The following DNM1L variants were observed in gnomAD, a reference collection of about 807,000 sequenced individuals.
DNM1L encodes dynamin-1-like protein.
A neutral mutation model predicts 92.8 loss-of-function variants in DNM1L; 33 were observed. The observed-to-expected ratio is 0.36, with a 90% CI of 0.27 to 0.48. The LOEUF (loss-of-function observed/expected upper bound fraction) is 0.48, where lower values mean the gene tolerates loss of function less well. DNM1L is among the 20% of genes least tolerant of loss of function. The probability of loss-of-function intolerance (pLI) is 0.99; values close to 1 mark genes in which losing one functional copy is unlikely to be tolerated. For synonymous variants in DNM1L, 284 were observed against 305.0 expected, an observed-to-expected ratio of 0.93 and a Z score of 0.72; for missense variants, 485 against 888.8, an observed-to-expected ratio of 0.55 and a Z score of 5.78.
At chr12:32,738,334 T>C in intron 16 of DNM1L, 38 bp downstream of exon 16, 1 of 1,611,740 alleles carries the variant, frequency 6.2e-7, no homozygotes, top group South Asian at 1.1e-5. Context: ...GTTGGTACCT[T>C]TGGTTCTCAC....
intron 14 of DNM1L, chr12:32,737,397 T>C (rs1249547239): frequency 6.0e-6 from 3 of 498,602 alleles, no homozygotes; most frequent in Non-Finnish European, 1.1e-5. Context: ...TATTTAAGCA[T>C]TTAAGCATCA....
intron 1 of DNM1L, among the ~76,000 whole-genome samples, chr12:32,699,611 C>T (rs1952612358): frequency 1.3e-5 from 2 of 151,838 alleles, no homozygotes; most frequent in South Asian, 4.2e-4. Context: ...GCCTGGCGCA[C>T]ATGGTGAAAC....
chr12:32,743,430 A>G lies in DNM1L; in HGVS notation c.*20A>G. On this transcript the variant is annotated 3_prime_UTR_variant, in exon 20 of 20. Coordinates refer to ENST00000549701, the MANE Select transcript of DNM1L (RefSeq NM_012062.5). ...TGGTGAAGAGAACTATGTAATACTG[A>G]GACTTTGTTGACTCAAAACTTGCTA... The G allele has an allele frequency of 6.2e-7, 1 of 1,612,956 alleles. No individual in the cohort carries two copies. The highest frequency in any genetic ancestry group is 8.5e-7 in the Non-Finnish European group (1 of 1,179,128).
intron 13 of DNM1L, among the ~76,000 whole-genome samples, chr12:32,734,338 T>C (rs7306406): frequency 0.15 from 23,431 of 152,218 alleles, 1,911 homozygotes; most frequent in Middle Eastern, 0.21. Context: ...CCATTTTTTT[T>C]CTCTGCCGCT....
rs74579148 is a variant in DNM1L, at chr12:32,705,728, A to G, written c.251-1639A>G. On this transcript the variant is annotated intron_variant, in intron 2 of 19. Coordinates refer to ENST00000549701, the MANE Select transcript of DNM1L (RefSeq NM_012062.5). The stretch of plus-strand genomic sequence containing the variant: ...TAATTGAATGCTATGTGCATTTGAA[A>G]TGTGATCAGGTTTCTGCACATTTGA... 8,039 of 1,108,166 alleles carry G rather than the reference A, an allele frequency of 7.3e-3. 34 individuals carry two copies. Among genetic ancestry groups the G allele is most frequent in the Non-Finnish European group, 8.8e-3 (6,726 of 761,454 alleles). The allele number at this position is 1,108,166 out of a possible 1,614,324, so 68.6% of individuals were successfully genotyped here.
At chr12:32,717,382 T>A (rs1343637648) in intron 6 of DNM1L, among the ~76,000 whole-genome samples, 8 of 77,630 alleles carry the variant, frequency 1.0e-4, no homozygotes, top group Non-Finnish European at 1.9e-4. Context: ...ATACTATATA[T>A]AATATATAGT....
rs575158334 is a variant in DNM1L, at chr12:32,743,718, T to C, written c.*308T>C. The C allele has an allele frequency of 2.7e-6, 1 of 377,052 alleles. No individual in the cohort carries two copies. Among genetic ancestry groups the C allele is most frequent in the Non-Finnish European group, 4.9e-6 (1 of 204,328 alleles). The allele number at this position is 377,052 out of a possible 1,614,324, so 23.4% of individuals were successfully genotyped here. ...TTCTAGTTGTGCAAAGCAGTTTGCC[T>C]GTGGATAAGATGACCTGTGTAATAA... On this transcript the variant is annotated 3_prime_UTR_variant, in exon 20 of 20. Coordinates refer to ENST00000549701, the MANE Select transcript of DNM1L (RefSeq NM_012062.5).
intron 6 of DNM1L, among the ~76,000 whole-genome samples, chr12:32,715,722 A>T (rs2137388643): frequency 6.7e-6 from 1 of 148,992 alleles, no homozygotes; most frequent in Middle Eastern, 3.4e-3. Flanking sequence ...ACAGAGTAGG[A>T]CAGTCTCAAA....
In DNM1L at chr12:32,722,048, C is replaced by T. The variant is rs118144578; in HGVS notation, c.873-379C>T. Reference sequence around the variant, plus strand: ...CATGTGTTCAACTCTCTGAAGACTCCATGAACTGTGTCCTTTTGAGTTTTT... The same window carrying T: ...CATGTGTTCAACTCTCTGAAGACTCTATGAACTGTGTCCTTTTGAGTTTTT... On this transcript the variant is annotated intron_variant, in intron 8 of 19. Transcript: ENST00000549701. Among the ~76,000 whole-genome samples, 95 of 152,316 alleles carry T rather than the reference C, an allele frequency of 6.2e-4. 1 individual carries two copies. In the East Asian group the frequency reaches 0.017, roughly 28 times the overall value.
intron 1 of DNM1L, among the ~76,000 whole-genome samples, chr12:32,687,753 C>G (rs1371525597): frequency 6.6e-6 from 1 of 151,052 alleles, no homozygotes. Context: ...CCTGGCCAGC[C>G]AAAGATTTAT....
chr12:32,739,279 A>G (rs1955118271), intron 16 of DNM1L, among the ~76,000 whole-genome samples: 1 of 151,900 alleles, frequency 6.6e-6, no homozygotes, highest in African/African-American at 2.4e-5. Context: ...AGAATACCTA[A>G]AAAAAACCCT....
At chr12:32,724,593 A>ATATAT (rs1491525657) in intron 9 of DNM1L, among the ~76,000 whole-genome samples, 64 of 66,594 alleles carry the variant, frequency 9.6e-4, no homozygotes, top group East Asian at 5.6e-3. Flanking sequence ...AAAAAAAAAA[A>ATATAT]ATATATATAT....
intron 9 of DNM1L, chr12:32,725,386 T>G (rs1954065098): frequency 6.6e-6 from 1 of 152,222 alleles, no homozygotes; most frequent in Non-Finnish European, 1.5e-5. Context: ...GAAAAGATGC[T>G]TAGTTAATGG....
At chr12:32,697,910 G>A (rs1188642510) in intron 1 of DNM1L, among the ~76,000 whole-genome samples, 3 of 150,822 alleles carry the variant, frequency 2.0e-5, no homozygotes, top group African/African-American at 4.9e-5. Flanking sequence ...TAAAATATTA[G>A]AAATAAGAAA....
chr12:32,738,319 G>A, intron 16 of DNM1L, 23 bp downstream of exon 16: 1 of 1,613,338 alleles, frequency 6.2e-7, no homozygotes. Context: ...CTTCAGAATG[G>A]AAATGTTGGT....
At chr12:32,710,618 CA>C (rs72384937) in intron 4 of DNM1L, among the ~76,000 whole-genome samples, 1,945 of 88,874 alleles carry the variant, frequency 0.022, 22 homozygotes, top group African/African-American at 0.057. Flanking sequence ...GACCTTGTCT[CA>C]AAAAAAAAAA....
chr12:32,695,893 T>G (rs1297851072), intron 1 of DNM1L, among the ~76,000 whole-genome samples: 1 of 151,942 alleles, frequency 6.6e-6, no homozygotes, highest in Non-Finnish European at 1.5e-5. Flanking sequence ...GGAAAGAAGC[T>G]GAAAAGGAGA....
chr12:32,739,782 G>A (rs1955154088), intron 16 of DNM1L: 2 of 378,624 alleles, frequency 5.3e-6, no homozygotes, highest in South Asian at 3.3e-5. Flanking sequence ...GAAGAGGAAC[G>A]ATTTTGAAAA....
In DNM1L at chr12:32,679,432, C is replaced by T; in HGVS notation, c.69C>T (p.Ile23=). The T allele has an allele frequency of 6.2e-7, 1 of 1,613,422 alleles. No homozygotes were observed. ...TCAACACGGTGGGCGCCGACATCATCCAGCTGCCTCAAATCGTCGTAGTGG... is the reference window on the plus strand; with the variant it reads ...TCAACACGGTGGGCGCCGACATCATTCAGCTGCCTCAAATCGTCGTAGTGG... ...DVFNTVGADI[I]QLPQIVVVGT... Residue 23 remains isoleucine (I), a synonymous_variant, in exon 1 of 20, where the codon ATC becomes ATT. Coordinates refer to ENST00000549701, the MANE Select transcript of DNM1L (RefSeq NM_012062.5).
Sources: allele counts gnomAD v4.1 joint callset (sites outside exome capture counted in the v4.1 genomes callset), GRCh38; gene constraint gnomAD v4.1.1; transcripts MANE v1.5; gene names NCBI Gene and HGNC (gene_info 2026-07-23, HGNC 2026-07-21).